Variants in MECOM observed in about 807,000 individuals in gnomAD.
MECOM encodes the protein MDS1 and EVI1 complex locus.
A neutral mutation model predicts 116.3 loss-of-function variants in MECOM; 13 were observed. The ratio of observed to expected loss-of-function variants is 0.11; its 90% CI spans 0.07 to 0.18. MECOM has a LOEUF of 0.18. MECOM is among the 10% of genes least tolerant of loss of function. The pLI, the probability that MECOM is intolerant of heterozygous loss-of-function variation, is 1.00. For missense variants in MECOM, 1,299 were observed against 1,509.0 expected, an observed-to-expected ratio of 0.86 and a Z score of 2.31; for synonymous variants, 528 against 535.2, an observed-to-expected ratio of 0.99 and a Z score of 0.19.
At chr3:169,650,451 C>A (rs886906421) in intron 1 of MECOM, among the ~76,000 whole-genome samples, 4 of 152,082 alleles carry the variant, frequency 2.6e-5, no homozygotes, top group Non-Finnish European at 5.9e-5. Flanking sequence ...ACTTACTTAT[C>A]CTTACCCAGT....
chr3:169,583,910 A>C (rs1028906967), intron 1 of MECOM, among the ~76,000 whole-genome samples: 1 of 152,054 alleles, frequency 6.6e-6, no homozygotes, highest in African/African-American at 2.4e-5. Flanking sequence ...CAGCCAGTAA[A>C]TATTTTAAAA....
intron 2 of MECOM, among the ~76,000 whole-genome samples, chr3:169,159,443 C>A (rs762032073): frequency 2.0e-5 from 3 of 152,052 alleles, no homozygotes; most frequent in Non-Finnish European, 4.4e-5. Context: ...CCTGTAATCC[C>A]AGCTGCTTGG....
At chr3:169,370,933 C>T (rs914471906) in intron 2 of MECOM, among the ~76,000 whole-genome samples, 7 of 151,824 alleles carry the variant, frequency 4.6e-5, no homozygotes, top group African/African-American at 1.7e-4. Context: ...ACTGGAATAG[C>T]CATTAGGGAA....
At chr3:169,167,187 AG>A (rs1559943034) in intron 2 of MECOM, among the ~76,000 whole-genome samples, 1 of 152,110 alleles carries the variant, frequency 6.6e-6, no homozygotes, top group African/African-American at 2.4e-5. Context: ...CATGTTGCCT[AG>A]GTTGTTATTT....
At chr3:169,107,041 A>G (rs1480925149) in intron 10 of MECOM, among the ~76,000 whole-genome samples, 1 of 152,186 alleles carries the variant, frequency 6.6e-6, no homozygotes, top group East Asian at 1.9e-4. Context: ...AAAAATTAAC[A>G]TCAAATAGAG....
chr3:169,432,490 C>G (rs1261314978), intron 1 of MECOM, among the ~76,000 whole-genome samples: 1 of 152,090 alleles, frequency 6.6e-6, no homozygotes, highest in Non-Finnish European at 1.5e-5. Flanking sequence ...TTAGCCTTAG[C>G]TGATCTCAAA....
intron 1 of MECOM, among the ~76,000 whole-genome samples, chr3:169,658,581 T>C (rs1455503151): frequency 1.3e-5 from 2 of 152,136 alleles, no homozygotes; most frequent in South Asian, 2.1e-4. Flanking sequence ...TGGCCAAACC[T>C]TGGAGCCCTG....
chr3:169,541,390 GAGAA>G (rs1203596352), intron 1 of MECOM, among the ~76,000 whole-genome samples: 2 of 152,224 alleles, frequency 1.3e-5, no homozygotes, highest in South Asian at 2.1e-4. Flanking sequence ...AAGTGCTAGA[GAGAA>G]AGAGTCATTG....
chr3:169,277,879 C>T (rs186944975), intron 2 of MECOM, among the ~76,000 whole-genome samples: 16 of 152,296 alleles, frequency 1.1e-4, no homozygotes, highest in Admixed American at 6.5e-4. Flanking sequence ...AAAGAGATGC[C>T]CCTGTACCAT....
chr3:169,396,744 G>T (rs923329849), intron 1 of MECOM, among the ~76,000 whole-genome samples: 8 of 152,198 alleles, frequency 5.3e-5, no homozygotes, highest in African/African-American at 1.7e-4. Flanking sequence ...GCCCAGGTGG[G>T]TGGATCACTT....
intron 2 of MECOM, among the ~76,000 whole-genome samples, chr3:169,212,555 C>A (rs1172456513): frequency 2.0e-5 from 3 of 148,464 alleles, no homozygotes; most frequent in African/African-American, 7.4e-5. Flanking sequence ...GCAACACAGG[C>A]ACATCTGTAA....
At chr3:169,600,907 C>G (rs1767762044) in intron 1 of MECOM, among the ~76,000 whole-genome samples, 1 of 152,218 alleles carries the variant, frequency 6.6e-6, no homozygotes, top group African/African-American at 2.4e-5. Context: ...AAACACTCCA[C>G]AGGACTTCCG....
intron 8 of MECOM, 123 bp from the exon 9 acceptor site, chr3:169,112,997 A>AAAACTATAGAGACAT (rs1727931102): frequency 3.0e-6 from 2 of 661,670 alleles, no homozygotes; most frequent in Admixed American, 2.9e-5. Flanking sequence ...GCGCACTCAT[A>AAAACTATAGAGACAT]AAACTATAGA....
intron 2 of MECOM, among the ~76,000 whole-genome samples, chr3:169,331,772 T>C (rs1312009193): frequency 1.3e-5 from 2 of 152,152 alleles, no homozygotes; most frequent in African/African-American, 4.8e-5. Context: ...TAGATTATAT[T>C]CATTTGATTT....
At chr3:169,546,571 G>A (rs1368048997) in intron 1 of MECOM, among the ~76,000 whole-genome samples, 1 of 152,166 alleles carries the variant, frequency 6.6e-6, no homozygotes, top group Non-Finnish European at 1.5e-5. Flanking sequence ...GCCTCCTACG[G>A]AAAGAATAAT....
rs1201609860 is a variant in MECOM at position 169,149,975 on chromosome 3, GTGTC to G, written c.376-6147_376-6144del. ...TGTGTGTGTGTGTGTGTGTGTGTGTGTGTCTGTCTGTCTGTCTGTCTGTCTGTCT... is the reference window on the plus strand; with the variant it reads ...TGTGTGTGTGTGTGTGTGTGTGTGTGTGTCTGTCTGTCTGTCTGTCTGTCT... On this transcript the variant is annotated intron_variant, in intron 2 of 16. Transcript: ENST00000651503. Among the ~76,000 whole-genome samples the G allele has an allele frequency of 9.5e-3, 956 of 100,362 alleles. 4 individuals carry two copies. The highest frequency in any genetic ancestry group is 0.02 in the African/African-American group (570 of 29,130). The allele number at this position is 100,362 out of a possible 152,430, so 65.8% of individuals were successfully genotyped here.
Position 169,084,723 on chromosome 3 carries a change from C to T in MECOM, c.*186G>A, listed in dbSNP as rs926097043. 9.9e-6 allele frequency: 6 copies of T among 605,090 alleles called. No homozygotes were observed. Among genetic ancestry groups the T allele is most frequent in the African/African-American group, 3.7e-5 (2 of 53,496 alleles). 37.5% of individuals were successfully genotyped at this position (605,090 alleles called of 1,614,324 possible). A position where few individuals can be genotyped will look rare whatever the true frequency, so the allele number is the denominator to read the frequency against. On this transcript the variant is annotated 3_prime_UTR_variant, in exon 17 of 17. Coordinates refer to ENST00000651503, the MANE Select transcript of MECOM (RefSeq NM_004991.4). ...GCCTTTGCTGTGCAAAACAAAATAT[C>T]GAGAATAAATAGTTTCTTTTTTCTT...
At position 169,115,625 on chromosome 3, in the gene MECOM, C is replaced by T. The variant is rs748008417; in HGVS notation, c.2247G>A (p.Lys749=). The change falls in exon 8 of 17, where the codon AAG becomes AAA. Residue 749 remains lysine, a synonymous_variant. Coordinates refer to ENST00000651503, the MANE Select transcript of MECOM (RefSeq NM_004991.4). The part of the protein sequence containing the change: ...ESPFDLTTKR[K]DEKPLTPVPS... ...GGACTGGAGTCAAGGGCTTCTCATC[C>T]TTTCGCTTAGTGGTGAGATCAAAGG... is the stretch of plus-strand genomic sequence containing the variant. 1.9e-6 allele frequency: 3 copies of T among 1,614,012 alleles called. No individual in the cohort carries two copies. The highest frequency in any genetic ancestry group is 2.5e-6 in the Non-Finnish European group (3 of 1,180,034).
chr3:169,555,752 C>T (rs1204582362), intron 1 of MECOM, among the ~76,000 whole-genome samples: 1 of 152,166 alleles, frequency 6.6e-6, no homozygotes, highest in Non-Finnish European at 1.5e-5. Context: ...TTAATATGGC[C>T]CTACTTCCTG....
Sources: allele counts gnomAD v4.1 joint callset (sites outside exome capture counted in the v4.1 genomes callset), GRCh38; gene constraint gnomAD v4.1.1; transcripts MANE v1.5; gene names NCBI Gene and HGNC (gene_info 2026-07-23, HGNC 2026-07-21).